The following RBFOX3 variants were observed in gnomAD, a reference collection of about 807,000 sequenced individuals.
RBFOX3 encodes the protein RNA binding protein fox-1 homolog 3.
Under a neutral mutation model 48.7 loss-of-function variants are expected in RBFOX3, and 17 were observed. The observed-to-expected ratio is 0.35, with a 90% CI of 0.24 to 0.52. RBFOX3 has a LOEUF of 0.52. Among genes scored for constraint, RBFOX3 ranks in the 20% least tolerant of loss-of-function variants. The probability of loss-of-function intolerance (pLI) is 0.94; values close to 1 mark genes in which losing one functional copy is unlikely to be tolerated. For missense variants in RBFOX3, 382 were observed against 497.5 expected (o/e 0.77, Z 2.21); for synonymous variants, 212 against 209.5 (o/e 1.01, Z -0.10).
rs773733535 is a variant in RBFOX3 at position 79,477,372 on chromosome 17, C to T, written c.-175+5082G>A. Among the ~76,000 whole-genome samples the T allele has an allele frequency of 1.1e-3, 164 of 147,836 alleles. No individual in the cohort carries two copies. Among genetic ancestry groups the T allele is most frequent in the Middle Eastern group, 8.0e-3 (2 of 250 alleles). On this transcript the variant is annotated intron_variant, in intron 2 of 14. Transcript: ENST00000693108. This position sits in a 1 kb window ranked among gnomAD's most constrained non-coding sequence, Gnocchi z 4.8. ...GAGATCGAGATCATCCTGGCTAACA[C>T]GGTGAAACCCCGTCTCTACTAAAAA...
rs1256629529 is a variant in RBFOX3 at position 79,220,729 on chromosome 17, T to A, written c.-34+15037A>T. On this transcript the variant is annotated intron_variant, in intron 4 of 14. Coordinates refer to ENST00000693108, the MANE Select transcript of RBFOX3 (RefSeq NM_001350451.2). This position sits in a 1 kb window ranked among gnomAD's most constrained non-coding sequence, Gnocchi z 5.9. ...TAAGGTCCCTCTTGGCTTCAGAGGGTGGGAGATGAGATTTGGAAGGGCCAG... is the reference window on the plus strand; with the variant it reads ...TAAGGTCCCTCTTGGCTTCAGAGGGAGGGAGATGAGATTTGGAAGGGCCAG... Among the ~76,000 whole-genome samples, 4 of 151,092 alleles carry A rather than the reference T, an allele frequency of 2.6e-5. No individual in the cohort carries two copies. The highest frequency in any genetic ancestry group is 2.0e-4 in the Admixed American group (3 of 15,192).
chr17:79,111,039 C>T lies in RBFOX3; in HGVS notation c.223-4251G>A, dbSNP rs144454021. Among the ~76,000 whole-genome samples the T allele has an allele frequency of 0.013, 1,927 of 152,374 alleles. 18 individuals are homozygous for T. The highest frequency in any genetic ancestry group is 0.018 in the Non-Finnish European group (1,234 of 68,036). The stretch of plus-strand genomic sequence containing the variant: ...CTGAGGGGAGAGGGCCTTGGCCAGA[C>T]TGTGAAGCCTGTAGTTATAGATGAG... On this transcript the variant is annotated intron_variant, in intron 5 of 14. Coordinates refer to ENST00000693108, the MANE Select transcript of RBFOX3 (RefSeq NM_001350451.2). This position sits in a 1 kb window ranked among gnomAD's most constrained non-coding sequence, Gnocchi z 4.2.
chr17:79,159,155 A>T (rs2046423595), intron 4 of RBFOX3, among the ~76,000 whole-genome samples: 1 of 152,142 alleles, frequency 6.6e-6, no homozygotes, highest in African/African-American at 2.4e-5. Context: ...TGGGGAGCGG[A>T]GACCCAAAGA....
intron 2 of RBFOX3, among the ~76,000 whole-genome samples, chr17:79,402,455 T>C (rs1446609725): frequency 1.3e-5 from 2 of 152,132 alleles, no homozygotes; most frequent in Non-Finnish European, 2.9e-5. Flanking sequence ...ATGAAATAAA[T>C]GGAGCGGGGA....
In RBFOX3 at chr17:79,220,633, C is replaced by G. The variant is rs1055682204; in HGVS notation, c.-34+15133G>C. Among the ~76,000 whole-genome samples, 1 of 151,938 alleles carries G rather than the reference C, an allele frequency of 6.6e-6. No individual in the cohort carries two copies. Among genetic ancestry groups the G allele is most frequent in the Non-Finnish European group, 1.5e-5 (1 of 67,984 alleles). Reference sequence around the variant, plus strand: ...TGTGTGTGTCGGGGGGACACAAAACCTTCCAGCCTAGCAGATCTCACGGAT... The same window carrying G: ...TGTGTGTGTCGGGGGGACACAAAACGTTCCAGCCTAGCAGATCTCACGGAT... On this transcript the variant is annotated intron_variant, in intron 4 of 14. Transcript: ENST00000693108. This position sits in a 1 kb window ranked among gnomAD's most constrained non-coding sequence, Gnocchi z 5.9.
At chr17:79,430,463 G>T (rs2068226344) in intron 2 of RBFOX3, among the ~76,000 whole-genome samples, 1 of 152,084 alleles carries the variant, frequency 6.6e-6, no homozygotes, top group South Asian at 2.1e-4. Context: ...TAATCAGAAA[G>T]GTGATTTCAG....
At chr17:79,164,599 G>A (rs2047624840) in intron 4 of RBFOX3, among the ~76,000 whole-genome samples, 1 of 152,206 alleles carries the variant, frequency 6.6e-6, no homozygotes, top group African/African-American at 2.4e-5. Flanking sequence ...GAGGCCCAGC[G>A]TCAGGTGCGG....
intron 2 of RBFOX3, among the ~76,000 whole-genome samples, chr17:79,428,545 T>C (rs1310105604): frequency 1.3e-5 from 2 of 152,350 alleles, no homozygotes; most frequent in South Asian, 4.1e-4. Flanking sequence ...AACCCACAGG[T>C]GACCCACGGG....
chr17:79,411,389 C>G (rs1296198384), intron 2 of RBFOX3, among the ~76,000 whole-genome samples: 1 of 152,150 alleles, frequency 6.6e-6, no homozygotes, highest in Non-Finnish European at 1.5e-5. Context: ...CAGGTTGTCT[C>G]GGACCCAGGG....
chr17:79,411,482 C>T (rs761488572), intron 2 of RBFOX3, among the ~76,000 whole-genome samples: 93 of 152,160 alleles, frequency 6.1e-4, no homozygotes, highest in Admixed American at 8.5e-4. Flanking sequence ...ACGGGCTCCT[C>T]CTCCACCCTT....
chr17:79,214,753 A>G lies in RBFOX3; in HGVS notation c.-34+21013T>C, dbSNP rs992311197. The stretch of plus-strand genomic sequence containing the variant: ...CCCCAGCTACTAGACGGCCCTAGGA[A>G]ACAGACACTAAATCCTCATTACAAG... On this transcript the variant is annotated intron_variant, in intron 4 of 14. Coordinates refer to ENST00000693108, the MANE Select transcript of RBFOX3 (RefSeq NM_001350451.2). The surrounding 1 kb of genome is among the most constrained non-coding windows in gnomAD (Gnocchi z 4.7). 2.0e-5 allele frequency among the ~76,000 whole-genome samples: 3 copies of G among 152,084 alleles called. No homozygotes were observed. Among genetic ancestry groups the G allele is most frequent in the African/African-American group, 7.2e-5 (3 of 41,404 alleles).
chr17:79,145,350 C>T (rs994158907), intron 4 of RBFOX3, among the ~76,000 whole-genome samples: 1 of 152,202 alleles, frequency 6.6e-6, no homozygotes, highest in Non-Finnish European at 1.5e-5. Context: ...GAAACGTGGC[C>T]GCACCCTGAA....
At chr17:79,457,558 T>C (rs1276158154) in intron 2 of RBFOX3, among the ~76,000 whole-genome samples, 1 of 152,044 alleles carries the variant, frequency 6.6e-6, no homozygotes, top group East Asian at 1.9e-4. Flanking sequence ...CCCGTGTAGA[T>C]GCCCCGGGAC....
chr17:79,500,036 G>A (rs894144312), intron 1 of RBFOX3, among the ~76,000 whole-genome samples: 9 of 152,162 alleles, frequency 5.9e-5, no homozygotes, highest in African/African-American at 1.7e-4. Context: ...AAGCCTAGGC[G>A]AGAAGAAGCC....
chr17:79,501,222 G>A (rs1437594366), intron 1 of RBFOX3, among the ~76,000 whole-genome samples: 5 of 152,228 alleles, frequency 3.3e-5, no homozygotes, highest in African/African-American at 4.8e-5. Flanking sequence ...TAATGAGGTT[G>A]GTTGAGCAAT....
chr17:79,615,559 T>C (rs991180207), upstream of RBFOX3, among the ~76,000 whole-genome samples: 2 of 152,150 alleles, frequency 1.3e-5, no homozygotes, highest in Non-Finnish European at 2.9e-5. Flanking sequence ...CCTCCTGCCA[T>C]TGTACCACCC....
At position 79,312,780 on chromosome 17, in the gene RBFOX3, G is replaced by A. The variant is rs8066755; in HGVS notation, c.-174-4956C>T. 1.1e-3 allele frequency among the ~76,000 whole-genome samples: 170 copies of A among 152,274 alleles called. 1 individual carries two copies. Among genetic ancestry groups the A allele is most frequent in the African/African-American group, 3.8e-3 (159 of 41,552 alleles). The stretch of plus-strand genomic sequence containing the variant: ...TTAATAAACTGTGCTGCTGCTGCCC[G>A]CAGGTCTTCCTTGGCCTGAGCACAT... On this transcript the variant is annotated intron_variant, in intron 2 of 14. Transcript: ENST00000693108.
At chr17:79,177,423 C>A (rs139166152) in intron 4 of RBFOX3, among the ~76,000 whole-genome samples, 1 of 152,346 alleles carries the variant, frequency 6.6e-6, no homozygotes, top group East Asian at 1.9e-4. Flanking sequence ...CCCGCTGTGC[C>A]AGGCTGGAGA....
At chr17:79,245,838 G>A (rs1247161669) in intron 3 of RBFOX3, among the ~76,000 whole-genome samples, 1 of 151,990 alleles carries the variant, frequency 6.6e-6, no homozygotes, top group Non-Finnish European at 1.5e-5. Context: ...TGTTGCCCAG[G>A]CTGGTCTCGA....
Sources: gnomAD v4.1 joint callset for allele counts (sites outside exome capture counted in the v4.1 genomes callset) on GRCh38, gnomAD v4.1.1 for gene constraint, Gnocchi (gnomAD v3.1) non-coding constraint, MANE v1.5 for transcripts, NCBI Gene and HGNC (gene_info 2026-07-23, HGNC 2026-07-21) for gene names.